EYS: variants seen among roughly 807,000 people sequenced by gnomAD.
The protein encoded by EYS is protein eyes shut homolog.
A neutral mutation model predicts 282.1 loss-of-function variants in EYS; 250 were observed. The observed-to-expected ratio is 0.89, with a 90% CI of 0.80 to 0.98. The LOEUF is 0.98. EYS is among the 50% of genes least tolerant of loss of function. The probability of loss-of-function intolerance (pLI) is 0.00; values close to 1 mark genes in which losing one functional copy is unlikely to be tolerated. For missense variants in EYS, 4,016 were observed against 3,709.0 expected (o/e 1.08, Z -2.15); for synonymous variants, 1,355 against 1,282.9 (o/e 1.06, Z -1.20).
At chr6:64,757,871 G>C (rs1454791304) in intron 22 of EYS, among the ~76,000 whole-genome samples, 1 of 151,528 alleles carries the variant, frequency 6.6e-6, no homozygotes. Flanking sequence ...TGCAAGCTTC[G>C]CCTCCCGGCT....
At chr6:64,440,630 T>C (rs1774908682) in intron 26 of EYS, among the ~76,000 whole-genome samples, 1 of 152,042 alleles carries the variant, frequency 6.6e-6, no homozygotes, top group Admixed American at 6.6e-5. Context: ...GTTTCAATGG[T>C]GATGTTAAAA....
chr6:65,370,874 T>A (rs9363352), intron 8 of EYS, among the ~76,000 whole-genome samples: 8 of 151,888 alleles, frequency 5.3e-5, no homozygotes, highest in Non-Finnish European at 1.0e-4. Flanking sequence ...TAGTACCATA[T>A]AAAGAAACAA....
At chr6:64,305,246 A>G (rs146642662) in intron 30 of EYS, among the ~76,000 whole-genome samples, 311 of 152,336 alleles carry the variant, frequency 2.0e-3, no homozygotes, top group Non-Finnish European at 3.4e-3. Context: ...ACTACTAAAC[A>G]TTGCTGAAAG....
At chr6:63,849,646 A>G (rs926155418) in intron 36 of EYS, among the ~76,000 whole-genome samples, 1 of 152,184 alleles carries the variant, frequency 6.6e-6, no homozygotes, top group Non-Finnish European at 1.5e-5. Flanking sequence ...CAAAAAGGAC[A>G]CCCACATAAA....
intron 26 of EYS, among the ~76,000 whole-genome samples, chr6:64,584,033 T>C (rs1414911539): frequency 6.6e-6 from 1 of 152,140 alleles, no homozygotes; most frequent in East Asian, 1.9e-4. Context: ...AATAATTTTC[T>C]ATATGAATAT....
intron 12 of EYS, among the ~76,000 whole-genome samples, chr6:65,126,031 A>G (rs1284602178): frequency 6.6e-6 from 1 of 152,178 alleles, no homozygotes; most frequent in Admixed American, 6.5e-5. Context: ...ATTATAAAGC[A>G]TAGATTCCTA....
At chr6:64,652,038 A>C (rs1241612113) in intron 22 of EYS, among the ~76,000 whole-genome samples, 1 of 152,370 alleles carries the variant, frequency 6.6e-6, no homozygotes, top group South Asian at 2.1e-4. Context: ...TTAAAAGCTT[A>C]CAAAAATTTG....
At chr6:64,232,648 C>T (rs920740946) in intron 30 of EYS, among the ~76,000 whole-genome samples, 2 of 152,100 alleles carry the variant, frequency 1.3e-5, no homozygotes, top group Non-Finnish European at 2.9e-5. Context: ...GCCTCGGCCC[C>T]CCCAGAGCAT....
intron 15 of EYS, among the ~76,000 whole-genome samples, chr6:64,917,108 G>T (rs1225703180): frequency 6.6e-6 from 1 of 152,062 alleles, no homozygotes; most frequent in East Asian, 1.9e-4. Context: ...AATTACCCAG[G>T]CGTGGCAGCA....
intron 26 of EYS, among the ~76,000 whole-genome samples, chr6:64,573,242 T>A (rs146512466): frequency 6.6e-6 from 1 of 152,284 alleles, no homozygotes; most frequent in East Asian, 1.9e-4. Flanking sequence ...TGAAACTGGA[T>A]CCTTTCCTTA....
intron 29 of EYS, among the ~76,000 whole-genome samples, chr6:64,339,312 G>T (rs1354745332): frequency 6.6e-6 from 1 of 151,692 alleles, no homozygotes; most frequent in Admixed American, 6.6e-5. Context: ...ATCAAAAGTG[G>T]GTTAAGGACA....
chr6:65,335,319 A>G (rs1769947837), intron 10 of EYS, among the ~76,000 whole-genome samples, 173 bp from the exon 11 acceptor site: 1 of 151,808 alleles, frequency 6.6e-6, no homozygotes, highest in African/African-American at 2.4e-5. Context: ...CTGGCACAGC[A>G]ATTCCCTAAA....
chr6:65,001,070 T>C (rs1181520427), intron 13 of EYS, among the ~76,000 whole-genome samples: 1 of 152,008 alleles, frequency 6.6e-6, no homozygotes, highest in African/African-American at 2.4e-5. Flanking sequence ...CCTGTGGTAG[T>C]GTCTAGGGGT....
intron 33 of EYS, among the ~76,000 whole-genome samples, chr6:64,005,543 A>G (rs1454864885): frequency 6.6e-6 from 1 of 152,050 alleles, no homozygotes; most frequent in Non-Finnish European, 1.5e-5. Context: ...AATCTTTGCC[A>G]GGGCCTATAT....
intron 22 of EYS, among the ~76,000 whole-genome samples, chr6:64,675,874 A>G (rs1350263853): frequency 1.3e-5 from 2 of 151,600 alleles, no homozygotes; most frequent in Admixed American, 6.6e-5. Flanking sequence ...GTAAAAGGGA[A>G]TAATAATATG....
intron 29 of EYS, among the ~76,000 whole-genome samples, chr6:64,353,032 T>A (rs1422567250): frequency 6.6e-6 from 1 of 151,464 alleles, no homozygotes; most frequent in East Asian, 2.0e-4. Context: ...AGAAGTCATA[T>A]CCCTGCCCTA....
intron 29 of EYS, among the ~76,000 whole-genome samples, chr6:64,373,440 C>T (rs1366114466): frequency 1.3e-5 from 2 of 152,096 alleles, no homozygotes; most frequent in African/African-American, 4.8e-5. Flanking sequence ...TCAGGTTGGC[C>T]CTAAACTGCT....
At chr6:64,578,654 TATC>T (rs1314670118) in intron 26 of EYS, among the ~76,000 whole-genome samples, 1 of 151,818 alleles carries the variant, frequency 6.6e-6, no homozygotes, top group African/African-American at 2.4e-5. Flanking sequence ...TAGTGTTTAT[TATC>T]TGTCTCTCTC....
Position 64,406,576 on chromosome 6 carries a change from T to C in EYS, c.5928-17736A>G, listed in dbSNP as rs562051916. 7.2e-5 allele frequency among the ~76,000 whole-genome samples: 11 copies of C among 152,264 alleles called. 1 individual carries two copies. The South Asian group carries it at 1.9e-3, about 26-fold the overall frequency. On this transcript the variant is annotated intron_variant, in intron 28 of 42. Coordinates refer to ENST00000503581, the MANE Select transcript of EYS (RefSeq NM_001142800.2). Reference sequence around the variant, plus strand: ...GCAATCTATCCATCTGACAAAGGGCTAATATCCAGAATCTACAAAGAACTT... The same window carrying C: ...GCAATCTATCCATCTGACAAAGGGCCAATATCCAGAATCTACAAAGAACTT...
Sources: allele counts gnomAD v4.1 joint callset (sites outside exome capture counted in the v4.1 genomes callset), GRCh38; gene constraint gnomAD v4.1.1; transcripts MANE v1.5; gene names NCBI Gene and HGNC (gene_info 2026-07-23, HGNC 2026-07-21).